Variants in GABRB2 observed in about 807,000 individuals in gnomAD.
The protein encoded by GABRB2 is gamma-aminobutyric acid type A receptor subunit beta2, also known as gamma-aminobutyric acid receptor subunit beta-2.
A neutral mutation model predicts 54.7 loss-of-function variants in GABRB2; 16 were observed. The observed-to-expected ratio is 0.29, with a 90% CI of 0.20 to 0.44. GABRB2 has a LOEUF of 0.44. Among genes scored for constraint, GABRB2 ranks in the 20% least tolerant of loss-of-function variants. The pLI is 1.00. For synonymous variants in GABRB2, 244 were observed against 233.8 expected, an observed-to-expected ratio of 1.04 and a Z score of -0.40; for missense variants, 355 against 644.0, an observed-to-expected ratio of 0.55 and a Z score of 4.86.
chr5:161,366,864 C>T (rs1339263702), intron 5 of GABRB2, among the ~76,000 whole-genome samples: 3 of 152,142 alleles, frequency 2.0e-5, no homozygotes, highest in Admixed American at 6.6e-5. Flanking sequence ...TGGTGAATCG[C>T]TTGAACCTGG....
rs74707285 is a variant in GABRB2 at position 161,483,691 on chromosome 5, G to A, written c.238-23847C>T. Among the ~76,000 whole-genome samples, 340 of 152,092 alleles carry A rather than the reference G, an allele frequency of 2.2e-3. 2 individuals carry two copies. Among genetic ancestry groups the A allele is most frequent in the Non-Finnish European group, 4.1e-3 (276 of 67,940 alleles). ...AAGAACAAACACATTGTAACAGAAA[G>A]AGAGAAATCATTGCTAGTTTAAAAT... On this transcript the variant is annotated intron_variant, in intron 3 of 9. Coordinates refer to ENST00000393959, the MANE Select transcript of GABRB2 (RefSeq NM_001371727.1).
At chr5:161,489,451 T>C (rs867803807) in intron 3 of GABRB2, among the ~76,000 whole-genome samples, 1 of 151,716 alleles carries the variant, frequency 6.6e-6, no homozygotes, top group African/African-American at 2.4e-5. Flanking sequence ...TCTTTCTTTC[T>C]TATGTATGAG....
At chr5:161,539,280 C>G (rs1308363033) in intron 3 of GABRB2, among the ~76,000 whole-genome samples, 1 of 152,174 alleles carries the variant, frequency 6.6e-6, no homozygotes, top group Non-Finnish European at 1.5e-5. Flanking sequence ...AAAAATATTT[C>G]ATTCCAAGGC....
intron 4 of GABRB2, among the ~76,000 whole-genome samples, chr5:161,452,419 C>T (rs565661006): frequency 1.3e-5 from 2 of 152,244 alleles, no homozygotes; most frequent in Non-Finnish European, 2.9e-5. Flanking sequence ...ATTTCCTGTC[C>T]ATTGTAATTA....
chr5:161,371,037 C>T (rs1211093497), intron 5 of GABRB2, among the ~76,000 whole-genome samples: 1 of 152,110 alleles, frequency 6.6e-6, no homozygotes, highest in East Asian at 1.9e-4. Context: ...CACTTTTTCT[C>T]ACTTCTTCCT....
At chr5:161,489,788 C>A (rs1158379596) in intron 3 of GABRB2, among the ~76,000 whole-genome samples, 1 of 151,694 alleles carries the variant, frequency 6.6e-6, no homozygotes, top group Non-Finnish European at 1.5e-5. Context: ...TATCAAAAGT[C>A]ACTACTTACA....
At chr5:161,451,168 C>A (rs1259066336) in intron 4 of GABRB2, among the ~76,000 whole-genome samples, 1 of 152,174 alleles carries the variant, frequency 6.6e-6, no homozygotes, top group Non-Finnish European at 1.5e-5. Context: ...TCATTACAGA[C>A]TAACATTGTC....
At chr5:161,406,095 AC>A (rs1180387477) in intron 5 of GABRB2, among the ~76,000 whole-genome samples, 1 of 152,058 alleles carries the variant, frequency 6.6e-6, no homozygotes, top group East Asian at 1.9e-4. Context: ...GCTTTAGATG[AC>A]CACCAGGGTT....
chr5:161,361,169 C>T (rs1282632412), intron 5 of GABRB2, among the ~76,000 whole-genome samples: 1 of 151,696 alleles, frequency 6.6e-6, no homozygotes, highest in African/African-American at 2.4e-5. Context: ...GAGACAATTA[C>T]AATTGTATGG....
At chr5:161,405,048 T>G (rs1214393928) in intron 5 of GABRB2, among the ~76,000 whole-genome samples, 1 of 152,130 alleles carries the variant, frequency 6.6e-6, no homozygotes, top group Non-Finnish European at 1.5e-5. Context: ...AATTGCCTTT[T>G]GGCATCTTTT....
chr5:161,546,769 G>C, upstream of GABRB2: 1 of 1,498,772 alleles, frequency 6.7e-7, no homozygotes, highest in South Asian at 1.3e-5. Flanking sequence ...AGGGGAAGCG[G>C]CGGCTGCCGG....
At chr5:161,313,996 C>T (rs538565019) in intron 9 of GABRB2, among the ~76,000 whole-genome samples, 10 of 152,340 alleles carry the variant, frequency 6.6e-5, no homozygotes, top group East Asian at 1.9e-4. Flanking sequence ...AGAAAAGTTT[C>T]GTGTTATACT....
At chr5:161,447,989 C>T (rs1757684220) in intron 4 of GABRB2, among the ~76,000 whole-genome samples, 1 of 152,124 alleles carries the variant, frequency 6.6e-6, no homozygotes, top group Non-Finnish European at 1.5e-5. Flanking sequence ...GTCCAGTACT[C>T]TCTGATTTCC....
chr5:161,313,616 T>C (rs1323699229), intron 9 of GABRB2, among the ~76,000 whole-genome samples: 1 of 151,442 alleles, frequency 6.6e-6, no homozygotes, highest in Non-Finnish European at 1.5e-5. Context: ...AAAGTCAGAG[T>C]TCTGCCCTTG....
intron 4 of GABRB2, among the ~76,000 whole-genome samples, chr5:161,425,075 G>C (rs772462320): frequency 6.6e-5 from 10 of 152,112 alleles, no homozygotes; most frequent in Non-Finnish European, 1.5e-4. Context: ...TTTAAGGATT[G>C]AGAATTTTTT....
chr5:161,371,957 T>C (rs1481785587), intron 5 of GABRB2, among the ~76,000 whole-genome samples: 1 of 152,140 alleles, frequency 6.6e-6, no homozygotes. Context: ...CTTGAACTCC[T>C]GGGCTCAAGT....
At chr5:161,373,527 T>C (rs1044562452) in intron 5 of GABRB2, among the ~76,000 whole-genome samples, 10 of 152,212 alleles carry the variant, frequency 6.6e-5, no homozygotes, top group African/African-American at 2.2e-4. Context: ...TCAGCCACTG[T>C]GTACCAACCC....
intron 4 of GABRB2, among the ~76,000 whole-genome samples, chr5:161,449,272 T>C (rs1307261730): frequency 1.3e-5 from 2 of 152,178 alleles, no homozygotes; most frequent in Non-Finnish European, 2.9e-5. Context: ...AAAATGGACA[T>C]AACAATAGCT....
chr5:161,477,184 G>A (rs951337259), intron 3 of GABRB2, among the ~76,000 whole-genome samples: 1 of 148,214 alleles, frequency 6.7e-6, no homozygotes, highest in African/African-American at 2.5e-5. Context: ...TATATATTCT[G>A]AAAATCACTA....
Sources: allele counts gnomAD v4.1 joint callset (sites outside exome capture counted in the v4.1 genomes callset), GRCh38; gene constraint gnomAD v4.1.1; transcripts MANE v1.5; gene names NCBI Gene and HGNC (gene_info 2026-07-23, HGNC 2026-07-21).